The following CNTN5 variants were observed in gnomAD, a reference collection of about 807,000 sequenced individuals.
CNTN5 encodes contactin-5.
A neutral mutation model predicts 129.1 loss-of-function variants in CNTN5; 77 were observed. That is an observed-to-expected ratio of 0.60 (90% CI 0.50 to 0.72). The LOEUF (loss-of-function observed/expected upper bound fraction) is 0.72, where lower values mean the gene tolerates loss of function less well. CNTN5 is among the 30% of genes least tolerant of loss of function. The pLI is 0.00. For missense variants in CNTN5, 1,478 were observed against 1,328.8 expected, an observed-to-expected ratio of 1.11 and a Z score of -1.75; for synonymous variants, 509 against 465.6, an observed-to-expected ratio of 1.09 and a Z score of -1.20.
intron 1 of CNTN5, among the ~76,000 whole-genome samples, chr11:99,081,670 G>C (rs1283615637): frequency 6.6e-6 from 1 of 151,952 alleles, no homozygotes; most frequent in Non-Finnish European, 1.5e-5. Context: ...AAATTATTAC[G>C]TTTCTATAAA....
intron 4 of CNTN5, among the ~76,000 whole-genome samples, chr11:99,836,742 A>G (rs1268423302): frequency 2.0e-5 from 3 of 152,184 alleles, no homozygotes; most frequent in African/African-American, 4.8e-5. Context: ...TGGTTGAACT[A>G]GTTTACAGTC....
chr11:99,472,980 AC>A lies in CNTN5; in HGVS notation c.-70-83163del, dbSNP rs536234218. On this transcript the variant is annotated intron_variant, in intron 2 of 24. Coordinates refer to ENST00000524871, the MANE Select transcript of CNTN5 (RefSeq NM_014361.4). The stretch of plus-strand genomic sequence containing the variant: ...TCATTTTGTTCCCTCTCTGACAGCG[AC>A]CAACAAATATGTCTGACACCTACTA... Among the ~76,000 whole-genome samples the A allele has an allele frequency of 8.5e-5, 13 of 152,298 alleles. No individual in the cohort carries two copies. In the South Asian group the frequency reaches 2.7e-3, roughly 32 times the overall value.
intron 9 of CNTN5, among the ~76,000 whole-genome samples, chr11:100,046,215 A>G (rs1224682329): frequency 6.6e-6 from 1 of 152,172 alleles, no homozygotes; most frequent in Non-Finnish European, 1.5e-5. Flanking sequence ...TGCATCAAAC[A>G]CTTTTGGTCT....
At chr11:99,403,938 T>G (rs1265047952) in intron 2 of CNTN5, among the ~76,000 whole-genome samples, 1 of 152,190 alleles carries the variant, frequency 6.6e-6, no homozygotes, top group African/African-American at 2.4e-5. Context: ...ATTTGTCCAA[T>G]GCTAAAAGTG....
At chr11:99,737,157 A>ACACACGCACACG (rs940826489) in intron 3 of CNTN5, among the ~76,000 whole-genome samples, 1 of 151,228 alleles carries the variant, frequency 6.6e-6, no homozygotes, top group Admixed American at 6.6e-5. Context: ...ACACACACAC[A>ACACACGCACACG]CACACGCACA....
At chr11:100,086,787 A>G (rs1944574494) in intron 13 of CNTN5, among the ~76,000 whole-genome samples, 1 of 151,508 alleles carries the variant, frequency 6.6e-6, no homozygotes, top group Non-Finnish European at 1.5e-5. Context: ...AATACAAGAA[A>G]AACAGACTAT....
intron 2 of CNTN5, among the ~76,000 whole-genome samples, chr11:99,412,738 C>T (rs1473632662): frequency 1.3e-5 from 2 of 152,156 alleles, no homozygotes; most frequent in Admixed American, 6.5e-5. Context: ...TTCACCACAA[C>T]GTTATAGTGC....
chr11:100,035,812 G>T (rs541464052), intron 9 of CNTN5, among the ~76,000 whole-genome samples: 4 of 151,478 alleles, frequency 2.6e-5, no homozygotes, highest in Non-Finnish European at 5.9e-5. Context: ...ACTTTTTGAT[G>T]GGGTTGTTTT....
intron 13 of CNTN5, among the ~76,000 whole-genome samples, chr11:100,093,792 C>A (rs1461638678): frequency 6.6e-6 from 1 of 152,042 alleles, no homozygotes; most frequent in East Asian, 1.9e-4. Context: ...ACCTAGGCCC[C>A]TTCCCCTGGA....
chr11:100,074,132 C>CT lies in CNTN5; in HGVS notation c.1430-6dup. 1 of 1,603,736 alleles carries CT rather than the reference C, an allele frequency of 6.2e-7. No homozygotes were observed. The highest frequency in any genetic ancestry group is 2.2e-5 in the East Asian group (1 of 44,674). ...TGCTTCTGGTAGAAACTAACATTTGCTTTTTTAATAGCTTCAGCTCCCACT... is the reference window on the plus strand; with the variant it reads ...TGCTTCTGGTAGAAACTAACATTTGCTTTTTTTAATAGCTTCAGCTCCCACT... On this transcript the variant is annotated splice_polypyrimidine_tract_variant and intron_variant, in intron 12 of 24. Transcript: ENST00000524871.
At chr11:99,179,254 C>T (rs1385296123) in intron 1 of CNTN5, among the ~76,000 whole-genome samples, 1 of 151,996 alleles carries the variant, frequency 6.6e-6, no homozygotes, top group Non-Finnish European at 1.5e-5. Context: ...CCAGCCTGGC[C>T]AACATGGTGA....
chr11:100,098,082 G>A (rs11222749), intron 13 of CNTN5, among the ~76,000 whole-genome samples: 15,772 of 151,958 alleles, frequency 0.1, 859 homozygotes, highest in Middle Eastern at 0.12. Flanking sequence ...TGCAAATCAC[G>A]TTGCATGCAA....
intron 13 of CNTN5, among the ~76,000 whole-genome samples, chr11:100,078,398 A>G (rs1591193251): frequency 6.6e-6 from 1 of 152,190 alleles, no homozygotes; most frequent in East Asian, 1.9e-4. Context: ...AAAATATACA[A>G]GAAAATGGAT....
intron 1 of CNTN5, among the ~76,000 whole-genome samples, chr11:99,271,916 G>C (rs1299917141): frequency 6.6e-6 from 1 of 151,786 alleles, no homozygotes; most frequent in East Asian, 1.9e-4. Flanking sequence ...GCATTTTCAC[G>C]ATGTTCAGCC....
chr11:99,580,938 A>C (rs1362977447), intron 3 of CNTN5, among the ~76,000 whole-genome samples: 1 of 144,622 alleles, frequency 6.9e-6, no homozygotes, highest in African/African-American at 2.6e-5. Flanking sequence ...TGTCAATTTT[A>C]GATCTTTCCT....
chr11:99,845,103 A>T lies in CNTN5; in HGVS notation c.418A>T (p.Thr140Ser), dbSNP rs1392932592. 5.0e-6 allele frequency: 8 copies of T among 1,613,562 alleles called. No homozygotes were observed. Among genetic ancestry groups the T allele is most frequent in the Non-Finnish European group, 6.8e-6 (8 of 1,179,742 alleles). ...TTTCCTAAGATGGCTTCGAAATGGA[A>T]CAGAAATAGATCTGGAAAGTGATTA... ...VPSYRWLRNG[T>S]EIDLESDYRY... The change falls in exon 6 of 25, where the codon ACA becomes TCA. Residue 140 changes from threonine (T) to serine (S), a missense_variant. Transcript: ENST00000524871.
At chr11:99,951,842 A>G (rs901308036) in intron 7 of CNTN5, among the ~76,000 whole-genome samples, 1 of 152,166 alleles carries the variant, frequency 6.6e-6, no homozygotes, top group African/African-American at 2.4e-5. Context: ...AAAATTTGTA[A>G]TGAAGTTTAA....
chr11:99,097,347 A>G (rs1358672172), intron 1 of CNTN5, among the ~76,000 whole-genome samples: 2 of 151,908 alleles, frequency 1.3e-5, no homozygotes, highest in African/African-American at 4.8e-5. Context: ...AAGAACAAGC[A>G]AAGCAAAAAT....
chr11:100,170,727 C>T (rs1387626793), intron 13 of CNTN5, among the ~76,000 whole-genome samples: 1 of 151,694 alleles, frequency 6.6e-6, no homozygotes, highest in East Asian at 1.9e-4. Flanking sequence ...AATTGGAAGT[C>T]AGAAATGGCA....
Sources: gnomAD v4.1 joint callset for allele counts (sites outside exome capture counted in the v4.1 genomes callset) on GRCh38, gnomAD v4.1.1 for gene constraint, MANE v1.5 for transcripts, NCBI Gene and HGNC (gene_info 2026-07-23, HGNC 2026-07-21) for gene names.